Variants in CALN1 observed in about 807,000 individuals in gnomAD.
CALN1 encodes the protein calcium-binding protein 8.
Under a neutral mutation model 30.6 loss-of-function variants are expected in CALN1, and 17 were observed. The observed-to-expected ratio is 0.56, with a 90% confidence interval of 0.38 to 0.83. The LOEUF is 0.83. Among genes scored for constraint, CALN1 ranks in the 40% least tolerant of loss-of-function variants. CALN1 has a pLI of 0.00. For synonymous variants in CALN1, 156 were observed against 131.4 expected (o/e 1.19, Z -1.28); for missense variants, 291 against 354.9 (o/e 0.82, Z 1.45).
chr7:72,070,850 C>T (rs527538978), intron 4 of CALN1, among the ~76,000 whole-genome samples: 2 of 152,218 alleles, frequency 1.3e-5, no homozygotes, highest in South Asian at 2.1e-4. Context: ...TTCTTAAGTC[C>T]TATTGGACAT....
chr7:72,395,602 C>T (rs1805879036), intron 2 of CALN1, among the ~76,000 whole-genome samples: 1 of 152,072 alleles, frequency 6.6e-6, no homozygotes. Context: ...TAACAGGCTG[C>T]ATTAGAAGAA....
the CALN1 span, among the ~76,000 whole-genome samples, chr7:72,480,688 T>A: frequency 2.0e-5 from 3 of 152,222 alleles, no homozygotes; most frequent in South Asian, 6.2e-4. Flanking sequence ...TGTTTTAAAC[T>A]ACAAATTCAA....
intron 3 of CALN1, among the ~76,000 whole-genome samples, chr7:72,161,178 T>A (rs1367383506): frequency 6.6e-6 from 1 of 152,196 alleles, no homozygotes; most frequent in East Asian, 1.9e-4. Context: ...AATAAGAGGA[T>A]GACATAAGGA....
At chr7:72,135,904 G>T (rs2129543110) in intron 3 of CALN1, among the ~76,000 whole-genome samples, 1 of 152,046 alleles carries the variant, frequency 6.6e-6, no homozygotes, top group African/African-American at 2.4e-5. Flanking sequence ...AGGCCGAGGT[G>T]GGTGGATCAC....
chr7:71,791,164 A>C (rs974262959), intron 6 of CALN1, among the ~76,000 whole-genome samples: 4 of 152,162 alleles, frequency 2.6e-5, no homozygotes, highest in African/African-American at 9.7e-5. Context: ...AGGATCTCTA[A>C]AAATGGCATT....
chr7:71,868,789 C>G (rs375255589), intron 5 of CALN1, among the ~76,000 whole-genome samples: 1 of 152,048 alleles, frequency 6.6e-6, no homozygotes, highest in South Asian at 2.1e-4. Flanking sequence ...GAGATTTGCT[C>G]GAGGACACAG....
intron 3 of CALN1, among the ~76,000 whole-genome samples, chr7:72,190,055 C>CAAACA (rs1244607168): frequency 2.0e-5 from 3 of 152,126 alleles, no homozygotes; most frequent in South Asian, 2.1e-4. Context: ...GGTAAACAAA[C>CAAACA]AAACAAAACA....
intron 2 of CALN1, among the ~76,000 whole-genome samples, chr7:72,382,774 T>C (rs1038425661): frequency 2.0e-5 from 3 of 152,112 alleles, no homozygotes; most frequent in Non-Finnish European, 4.4e-5. Context: ...GGTGCACCCA[T>C]GTTGCTGTAA....
At chr7:72,044,039 C>T (rs997882037) in intron 4 of CALN1, among the ~76,000 whole-genome samples, 13 of 152,066 alleles carry the variant, frequency 8.5e-5, no homozygotes, top group African/African-American at 3.1e-4. Flanking sequence ...CCCCCACCCC[C>T]ACCATGATTC....
At chr7:71,811,684 T>C (rs1230043943) in intron 5 of CALN1, among the ~76,000 whole-genome samples, 2 of 64,080 alleles carry the variant, frequency 3.1e-5, no homozygotes, top group African/African-American at 1.7e-4. Flanking sequence ...TTCTTTTTTT[T>C]TTTTTTTTTC....
intron 1 of CALN1, among the ~76,000 whole-genome samples, chr7:72,430,352 C>T (rs1227029335): frequency 6.7e-6 from 1 of 148,964 alleles, no homozygotes; most frequent in Non-Finnish European, 1.5e-5. Flanking sequence ...TATATAAATT[C>T]TAAGACCTAG....
chr7:72,233,699 C>G (rs1353093174), intron 3 of CALN1, among the ~76,000 whole-genome samples: 3 of 151,686 alleles, frequency 2.0e-5, no homozygotes, highest in African/African-American at 7.3e-5. Flanking sequence ...AGAGCAAGGC[C>G]CTTTCTTTTA....
At chr7:72,273,539 G>T (rs1179209116) in intron 3 of CALN1, among the ~76,000 whole-genome samples, 5 of 144,610 alleles carry the variant, frequency 3.5e-5, no homozygotes, top group African/African-American at 1.0e-4. Context: ...TAGAGACAGG[G>T]TCTTTCTTTC....
At chr7:72,191,552 C>CAAAAAAA (rs55780039) in intron 3 of CALN1, among the ~76,000 whole-genome samples, 3 of 72,484 alleles carry the variant, frequency 4.1e-5, no homozygotes, top group African/African-American at 5.5e-5. Flanking sequence ...GACTCCGTCT[C>CAAAAAAA]AAAAAAAAAA....
rs141189532 is a variant in CALN1, at chr7:72,407,380, A to G, written c.-73-3938T>C. 2.0e-3 allele frequency among the ~76,000 whole-genome samples: 307 copies of G among 152,330 alleles called. 6 individuals are homozygous for G. The East Asian group carries it at 0.036, about 18-fold the overall frequency. On this transcript the variant is annotated intron_variant, in intron 1 of 6. Coordinates refer to ENST00000395275, the MANE Select transcript of CALN1 (RefSeq NM_031468.4). ...TGTCCCCACCCAAATCTCATGTCAA[A>G]CTGTAATCCCCAATGTTGGAGGTGG... is the stretch of plus-strand genomic sequence containing the variant.
intron 6 of CALN1, among the ~76,000 whole-genome samples, chr7:71,807,783 T>C (rs1190939443): frequency 1.3e-5 from 2 of 151,884 alleles, no homozygotes; most frequent in Non-Finnish European, 2.9e-5. Context: ...CTACTAAAAA[T>C]ACAAAAATTA....
rs1792917131 is a variant in CALN1 at position 71,785,109 on chromosome 7, T to G, written c.*2666A>C. The G allele has an allele frequency of 2.6e-6, 1 of 380,226 alleles. No individual in the cohort carries two copies. The highest frequency in any genetic ancestry group is 4.6e-6 in the Non-Finnish European group (1 of 215,074). 23.6% of individuals were successfully genotyped at this position (380,226 alleles called of 1,614,324 possible). On this transcript the variant is annotated 3_prime_UTR_variant, in exon 7 of 7. Coordinates refer to ENST00000395275, the MANE Select transcript of CALN1 (RefSeq NM_031468.4). ...TGTCCTTCAGTCCCTGGGTGCCACA[T>G]GGGGGGTTACCACAGTGGGAAGATA...
chr7:72,460,538 A>G, the CALN1 span, among the ~76,000 whole-genome samples: 2 of 152,120 alleles, frequency 1.3e-5, no homozygotes, highest in Admixed American at 6.6e-5. Flanking sequence ...AGGCTGAGGC[A>G]CAAGAATCAC....
chr7:72,025,523 A>G (rs1276414126), intron 4 of CALN1, among the ~76,000 whole-genome samples: 1 of 152,166 alleles, frequency 6.6e-6, no homozygotes, highest in Non-Finnish European at 1.5e-5. Context: ...TCTTTGTTCA[A>G]TTCAGCATCT....
Sources: gnomAD v4.1 joint callset for allele counts (sites outside exome capture counted in the v4.1 genomes callset) on GRCh38, gnomAD v4.1.1 for gene constraint, MANE v1.5 for transcripts, NCBI Gene and HGNC (gene_info 2026-07-23, HGNC 2026-07-21) for gene names.